Variants in ZBTB46 observed in about 807,000 individuals in gnomAD.
The protein encoded by ZBTB46 is zinc finger and BTB domain containing 46.
In ZBTB46, 8 loss-of-function variants were observed where a neutral mutation model predicts 44.1. The ratio of observed to expected loss-of-function variants is 0.18; its 90% CI spans 0.11 to 0.33. The LOEUF is 0.33. Among genes scored for constraint, ZBTB46 ranks in the 10% least tolerant of loss-of-function variants. The probability of loss-of-function intolerance (pLI) is 1.00; values close to 1 mark genes in which losing one functional copy is unlikely to be tolerated. For synonymous variants in ZBTB46, 409 were observed against 382.3 expected (o/e 1.07, Z -0.81); for missense variants, 651 against 847.7 (o/e 0.77, Z 2.88).
chr20:63,759,391 T>C (rs1377443582), intron 3 of ZBTB46, among the ~76,000 whole-genome samples: 2 of 152,150 alleles, frequency 1.3e-5, no homozygotes, highest in Admixed American at 1.3e-4. Context: ...CATTTCTTTT[T>C]CTTTTTTTTC....
chr20:63,830,311 G>T (rs1411375000), intron 1 of ZBTB46, among the ~76,000 whole-genome samples: 1 of 152,000 alleles, frequency 6.6e-6, no homozygotes, highest in South Asian at 2.1e-4. Context: ...ACCGGCTCGC[G>T]CTCCCCCGCG....
rs1225467924 is a variant in ZBTB46 at position 63,767,278 on chromosome 20, A to G, written c.1222+8400T>C. Among the ~76,000 whole-genome samples, 1 of 151,908 alleles carries G rather than the reference A, an allele frequency of 6.6e-6. No homozygotes were observed. Among genetic ancestry groups the G allele is most frequent in the African/African-American group, 2.4e-5 (1 of 41,358 alleles). On this transcript the variant is annotated intron_variant, in intron 3 of 4. Coordinates refer to ENST00000245663, the MANE Select transcript of ZBTB46 (RefSeq NM_001369741.1). The surrounding 1 kb of genome is among the most constrained non-coding windows in gnomAD (Gnocchi z 5.0). ...GGGGACATGTTTTCCCGCCCCTGAA[A>G]GCCCCCCGTCCCCACACATTGGCAA...
At chr20:63,764,901 C>A (rs900140114) in intron 3 of ZBTB46, among the ~76,000 whole-genome samples, 13 of 150,918 alleles carry the variant, frequency 8.6e-5, no homozygotes, top group Non-Finnish European at 1.8e-4. Context: ...ACCTGGCCCT[C>A]TGGCTGCTTT....
Position 63,747,004 on chromosome 20 carries a change from T to G in ZBTB46, c.1696A>C (p.Lys566Gln). 1 of 1,607,828 alleles carries G rather than the reference T, an allele frequency of 6.2e-7. No individual in the cohort carries two copies. Among genetic ancestry groups the G allele is most frequent in the Non-Finnish European group, 8.5e-7 (1 of 1,179,516 alleles). The change falls in exon 5 of 5, where the codon AAG (lysine) becomes CAG (glutamine). Residue 566 changes from lysine to glutamine, a missense_variant. This residue lies in a region of ZBTB46 where 106 missense variants were observed against 81.0 expected (regional missense o/e 1.31). Coordinates refer to ENST00000245663, the MANE Select transcript of ZBTB46 (RefSeq NM_001369741.1). ...APEDALLADD[K>Q]DEEDSPRPRS... Reference sequence around the variant, plus strand: ...GGCCGCGGCGAGTCTTCCTCATCCTTGTCGTCCGCCAACAGCGCATCCTCA... The same window carrying G: ...GGCCGCGGCGAGTCTTCCTCATCCTGGTCGTCCGCCAACAGCGCATCCTCA...
At chr20:63,783,059 G>A (rs532336977) in intron 2 of ZBTB46, among the ~76,000 whole-genome samples, 3 of 152,100 alleles carry the variant, frequency 2.0e-5, no homozygotes, top group African/African-American at 7.2e-5. Context: ...GAGCCCAGGA[G>A]GTTGAGGCTG....
At chr20:63,783,332 G>C (rs1018190827) in intron 2 of ZBTB46, among the ~76,000 whole-genome samples, 2 of 152,202 alleles carry the variant, frequency 1.3e-5, no homozygotes, top group African/African-American at 2.4e-5. Context: ...GGGAGGCTGA[G>C]GCAGGAGAAT....
chr20:63,826,089 G>A (rs927042168), intron 1 of ZBTB46, among the ~76,000 whole-genome samples: 1 of 152,096 alleles, frequency 6.6e-6, no homozygotes, highest in African/African-American at 2.4e-5. Context: ...CGCAGGCCTC[G>A]TGTGCAGCGA....
At chr20:63,793,982 C>T (rs998669160) in intron 1 of ZBTB46, among the ~76,000 whole-genome samples, 4 of 151,996 alleles carry the variant, frequency 2.6e-5, no homozygotes, top group African/African-American at 9.7e-5. Context: ...GTCAGGAGAT[C>T]GAGACCATCC....
chr20:63,747,495 A>AGGG, intron 4 of ZBTB46, among the ~76,000 whole-genome samples, 194 bp from the exon 5 acceptor site: 1 of 15,058 alleles, frequency 6.6e-5, no homozygotes, highest in African/African-American at 2.1e-4. Context: ...GGCCCGGTGG[A>AGGG]GGTTGGGAGG....
chr20:63,770,127 C>T (rs771491177), intron 3 of ZBTB46, among the ~76,000 whole-genome samples: 2 of 152,246 alleles, frequency 1.3e-5, no homozygotes, highest in Non-Finnish European at 2.9e-5. Flanking sequence ...CCGGGCACGG[C>T]TGATGCGGGG....
intron 1 of ZBTB46, among the ~76,000 whole-genome samples, chr20:63,823,948 C>G (rs770666774): frequency 6.6e-6 from 1 of 151,356 alleles, no homozygotes; most frequent in Non-Finnish European, 1.5e-5. Flanking sequence ...TGAATGGGCT[C>G]CCCACAGGAC....
At chr20:63,819,221 G>A (rs1303587101) in intron 1 of ZBTB46, among the ~76,000 whole-genome samples, 4 of 152,156 alleles carry the variant, frequency 2.6e-5, no homozygotes, top group African/African-American at 9.7e-5. Context: ...TCCTGGATGC[G>A]CTTCCTTCTT....
chr20:63,774,010 G>A (rs894957783), intron 3 of ZBTB46, among the ~76,000 whole-genome samples: 1 of 138,408 alleles, frequency 7.2e-6, no homozygotes, highest in African/African-American at 2.7e-5. Context: ...TTTTAGAAAC[G>A]CTATTTTGTT....
At chr20:63,815,120 T>C (rs1364867816) in intron 1 of ZBTB46, 3 of 210,310 alleles carry the variant, frequency 1.4e-5, no homozygotes, top group African/African-American at 7.1e-5. Flanking sequence ...GCTCACCAGC[T>C]GCTGAGAAGA....
chr20:63,763,926 T>C (rs1168509407), intron 3 of ZBTB46, among the ~76,000 whole-genome samples: 2 of 152,204 alleles, frequency 1.3e-5, no homozygotes, highest in Non-Finnish European at 1.5e-5. Context: ...GATTATTTTC[T>C]ATTACTCACA....
chr20:63,816,104 C>T (rs1384940672), intron 1 of ZBTB46, among the ~76,000 whole-genome samples: 2 of 145,094 alleles, frequency 1.4e-5, no homozygotes, highest in Admixed American at 7.0e-5. Flanking sequence ...GCAGTGGGCG[C>T]AGGTGCAGTG....
In ZBTB46 at chr20:63,752,288, T is replaced by A. The variant is rs1029006750; in HGVS notation, c.1398+398A>T. ...TGACAACGACCTGCCAGTGCTGAGC[T>A]CCAGGGTGGGCGCGGTGGGTGCAGA... On this transcript the variant is annotated intron_variant, in intron 4 of 4. Transcript: ENST00000245663. The surrounding 1 kb of genome is among the most constrained non-coding windows in gnomAD (Gnocchi z 5.6). Among the ~76,000 whole-genome samples, 2 of 148,096 alleles carry A rather than the reference T, an allele frequency of 1.4e-5. No individual in the cohort carries two copies. The highest frequency in any genetic ancestry group is 4.9e-5 in the African/African-American group (2 of 40,898).
chr20:63,829,807 G>GT (rs1220858915), intron 1 of ZBTB46, among the ~76,000 whole-genome samples: 5 of 152,198 alleles, frequency 3.3e-5, no homozygotes, highest in African/African-American at 1.2e-4. Context: ...CAGAGGCAGC[G>GT]TGAGTGCCAG....
At chr20:63,768,216 G>C in intron 3 of ZBTB46, 2 of 700,246 alleles carry the variant, frequency 2.9e-6, no homozygotes, top group Non-Finnish European at 3.5e-6. Flanking sequence ...TATCCTGTGA[G>C]AAATGAGAAA....
Sources: gnomAD v4.1 joint callset for allele counts (sites outside exome capture counted in the v4.1 genomes callset) on GRCh38, gnomAD v4.1.1 for gene constraint, gnomAD v4.1.1 regional missense constraint, Gnocchi (gnomAD v3.1) non-coding constraint, MANE v1.5 for transcripts, NCBI Gene and HGNC (gene_info 2026-07-23, HGNC 2026-07-21) for gene names.